Variants in TMPRSS11F observed in about 807,000 individuals in gnomAD.
TMPRSS11F encodes the protein transmembrane serine protease 11F.
Under a neutral mutation model 60.2 loss-of-function variants are expected in TMPRSS11F, and 47 were observed. That is an observed-to-expected ratio of 0.78 (90% CI 0.62 to 1.00). The LOEUF is 1.00. TMPRSS11F is among the 50% of genes least tolerant of loss of function. The probability of loss-of-function intolerance (pLI) is 0.00; values close to 1 mark genes in which losing one functional copy is unlikely to be tolerated. For synonymous variants in TMPRSS11F, 166 were observed against 167.3 expected, an observed-to-expected ratio of 0.99 and a Z score of 0.06; for missense variants, 519 against 522.9, an observed-to-expected ratio of 0.99 and a Z score of 0.07.
At chr4:68,056,191 A>T (rs917288449) in intron 9 of TMPRSS11F, among the ~76,000 whole-genome samples, 12 of 152,192 alleles carry the variant, frequency 7.9e-5, no homozygotes, top group African/African-American at 2.9e-4. Flanking sequence ...ATTAGGCAAG[A>T]GAAAGAAATA....
chr4:68,095,462 T>C (rs4288058), intron 2 of TMPRSS11F, among the ~76,000 whole-genome samples: 144,834 of 152,230 alleles, frequency 0.95, 69,278 homozygotes, highest in East Asian at 1. Context: ...ATTAAGATTA[T>C]GAGGATAATG....
intron 2 of TMPRSS11F, among the ~76,000 whole-genome samples, chr4:68,097,976 C>T (rs186160342): frequency 6.6e-6 from 1 of 151,974 alleles, no homozygotes; most frequent in Admixed American, 6.6e-5. Flanking sequence ...GATATGAGTG[C>T]CTAAAATTTT....
chr4:68,080,162 A>T (rs1260272092), intron 3 of TMPRSS11F: 3 of 152,086 alleles, frequency 2.0e-5, no homozygotes, highest in African/African-American at 4.8e-5. Context: ...CTTCTTCTGA[A>T]CTCCTATTAT....
At chr4:68,087,540 G>T (rs552597683) in intron 3 of TMPRSS11F, among the ~76,000 whole-genome samples, 1 of 151,698 alleles carries the variant, frequency 6.6e-6, no homozygotes, top group South Asian at 2.1e-4. Flanking sequence ...AAAGTAAAAG[G>T]CATCCAAATA....
At chr4:68,097,917 T>C (rs376040425) in intron 2 of TMPRSS11F, among the ~76,000 whole-genome samples, 7 of 152,268 alleles carry the variant, frequency 4.6e-5, no homozygotes, top group African/African-American at 1.4e-4. Context: ...TGTTGGACAA[T>C]ATTTCATTTC....
In TMPRSS11F at chr4:68,117,836, T is replaced by G. The variant is rs1334696809; in HGVS notation, c.11+11974A>C. Among the ~76,000 whole-genome samples the G allele has an allele frequency of 2.0e-5, 3 of 152,306 alleles. No homozygotes were observed. The East Asian group carries it at 5.8e-4, about 29-fold the overall frequency. On this transcript the variant is annotated intron_variant, in intron 1 of 9. Transcript: ENST00000356291. The stretch of plus-strand genomic sequence containing the variant: ...GGTAGTTAGTCTCAATCATGATACT[T>G]CCATCTCTGTGGCTAAGGGCTATTC...
intron 1 of TMPRSS11F, among the ~76,000 whole-genome samples, chr4:68,122,354 A>T (rs553071423): frequency 6.6e-6 from 1 of 152,144 alleles, no homozygotes; most frequent in African/African-American, 2.4e-5. Flanking sequence ...AAAATCCATT[A>T]ATTTATTATA....
In TMPRSS11F at chr4:68,098,282, G is replaced by T. The variant is rs987244748; in HGVS notation, c.163+605C>A. On this transcript the variant is annotated intron_variant, in intron 2 of 9. Coordinates refer to ENST00000356291, the MANE Select transcript of TMPRSS11F (RefSeq NM_207407.2). ...ATCGTGCGACTGCACTCCAGCCTGG[G>T]TGATAACTCAAGAATCTGTCTCAAA... Among the ~76,000 whole-genome samples, 3 of 152,076 alleles carry T rather than the reference G, an allele frequency of 2.0e-5. No homozygotes were observed. The East Asian group carries it at 5.8e-4, about 29-fold the overall frequency.
intron 1 of TMPRSS11F, among the ~76,000 whole-genome samples, chr4:68,121,515 G>T (rs756446749): frequency 7.9e-5 from 12 of 152,116 alleles, no homozygotes; most frequent in Non-Finnish European, 1.8e-4. Flanking sequence ...ATAAACACCA[G>T]TTCTATTTTA....
intron 3 of TMPRSS11F, among the ~76,000 whole-genome samples, chr4:68,086,725 A>C (rs1723822451): frequency 6.6e-6 from 1 of 152,086 alleles, no homozygotes; most frequent in African/African-American, 2.4e-5. Context: ...CCACAGAAAT[A>C]CTCAGTCTAT....
Position 68,073,727 on chromosome 4 carries a change from C to G in TMPRSS11F, c.350+215G>C, listed in dbSNP as rs112588757. Among the ~76,000 whole-genome samples, 1,381 of 152,200 alleles carry G rather than the reference C, an allele frequency of 9.1e-3. 20 individuals carry two copies. The highest frequency in any genetic ancestry group is 0.032 in the African/African-American group (1,334 of 41,536). ...TTCCCCTGTTTCTTGTGTTTGTTTC[C>G]TCTTTTTGTATCCAATAGCTGAGAT... is the stretch of plus-strand genomic sequence containing the variant. On this transcript the variant is annotated intron_variant, in intron 4 of 9. Transcript: ENST00000356291.
intron 3 of TMPRSS11F, among the ~76,000 whole-genome samples, chr4:68,087,667 C>T (rs1356382404): frequency 6.6e-6 from 1 of 151,538 alleles, no homozygotes; most frequent in Non-Finnish European, 1.5e-5. Context: ...TTTCAGGATA[C>T]AAAAAATCAA....
chr4:68,066,252 C>A (rs187862347), intron 7 of TMPRSS11F, among the ~76,000 whole-genome samples: 17 of 152,004 alleles, frequency 1.1e-4, no homozygotes, highest in South Asian at 4.2e-4. Context: ...GAAAACTAGA[C>A]ACTAGATACT....
At chr4:68,076,744 T>C (rs557346011) in intron 3 of TMPRSS11F, among the ~76,000 whole-genome samples, 1 of 152,288 alleles carries the variant, frequency 6.6e-6, no homozygotes, top group East Asian at 1.9e-4. Flanking sequence ...GCAGTCAAGA[T>C]AGCACCAATC....
intron 1 of TMPRSS11F, among the ~76,000 whole-genome samples, chr4:68,102,095 G>T (rs1395379321): frequency 6.6e-6 from 1 of 151,820 alleles, no homozygotes; most frequent in Non-Finnish European, 1.5e-5. Context: ...TCTGTTTCTG[G>T]CTTATGTCAC....
chr4:68,114,267 G>A (rs1724467734), intron 1 of TMPRSS11F, among the ~76,000 whole-genome samples: 1 of 151,574 alleles, frequency 6.6e-6, no homozygotes, highest in African/African-American at 2.4e-5. Context: ...AGAAACTGAT[G>A]AAATTGAAAA....
intron 1 of TMPRSS11F, among the ~76,000 whole-genome samples, chr4:68,108,599 C>T (rs1486101127): frequency 2.0e-5 from 3 of 152,170 alleles, no homozygotes; most frequent in African/African-American, 7.2e-5. Context: ...CCAGCCTTTA[C>T]ATGCCATGTA....
chr4:68,058,506 C>A (rs1277245977), intron 9 of TMPRSS11F, among the ~76,000 whole-genome samples: 1 of 152,146 alleles, frequency 6.6e-6, no homozygotes, highest in Admixed American at 6.5e-5. Flanking sequence ...AATCAGTCAT[C>A]ACATATTTTC....
intron 8 of TMPRSS11F, chr4:68,062,654 C>A: frequency 1.3e-6 from 1 of 777,758 alleles, no homozygotes. Flanking sequence ...TAAATAAATC[C>A]AGCCTATCAT....
Sources: allele counts gnomAD v4.1 joint callset (sites outside exome capture counted in the v4.1 genomes callset), GRCh38; gene constraint gnomAD v4.1.1; transcripts MANE v1.5; gene names NCBI Gene and HGNC (gene_info 2026-07-23, HGNC 2026-07-21).